ZBTB38: variants seen among roughly 807,000 people sequenced by gnomAD.
ZBTB38 encodes the protein zinc finger and BTB domain-containing protein 38.
Under a neutral mutation model 76.8 loss-of-function variants are expected in ZBTB38, and 20 were observed. The ratio of observed to expected loss-of-function variants is 0.26; its 90% CI spans 0.18 to 0.38. The LOEUF (loss-of-function observed/expected upper bound fraction) is 0.38. Among genes scored for constraint, ZBTB38 ranks in the 10% least tolerant of loss-of-function variants. The pLI, the probability that ZBTB38 is intolerant of heterozygous loss-of-function variation, is 1.00. For missense variants in ZBTB38, 1,082 were observed against 1,482.3 expected, an observed-to-expected ratio of 0.73 and a Z score of 4.43; for synonymous variants, 504 against 544.2, an observed-to-expected ratio of 0.93 and a Z score of 1.03.
At chr3:141,335,453 G>A (rs1161330828) in intron 1 of ZBTB38, among the ~76,000 whole-genome samples, 1 of 152,210 alleles carries the variant, frequency 6.6e-6, no homozygotes, top group Admixed American at 6.5e-5. Context: ...CTGAAAGCCT[G>A]GGCTTAGATG....
At chr3:141,359,220 C>T (rs1302707832) in intron 1 of ZBTB38, among the ~76,000 whole-genome samples, 2 of 152,196 alleles carry the variant, frequency 1.3e-5, no homozygotes, top group Non-Finnish European at 2.9e-5. Flanking sequence ...CTGACCTTCC[C>T]CCTCATTGTT....
chr3:141,445,388 G>T lies in ZBTB38; in HGVS notation c.3000G>T (p.Arg1000Ser), dbSNP rs1333065800. Residue 1000 changes from arginine (R) to serine (S), a missense_variant, in exon 6 of 6, where the codon AGG becomes AGT. By Grantham distance (110) the Arg-to-Ser change is moderately radical. This residue lies in a region of ZBTB38 where 471 missense variants were observed against 581.0 expected (regional missense o/e 0.81). Coordinates refer to ENST00000321464, the MANE Select transcript of ZBTB38 (RefSeq NM_001376113.1). This position sits in a 1 kb window ranked among gnomAD's most constrained non-coding sequence, Gnocchi z 6.5. ...CAGTGGGGGCTGGAAACCAAGGAAG[G>T]CCCCACCGACATCTTACTTCTCGGC... Reference protein sequence around the residue: ...DKAVGAGNQGRPHRHLTSRPY... With the variant: ...DKAVGAGNQGSPHRHLTSRPY... 1 of 1,614,064 alleles carries T rather than the reference G, an allele frequency of 6.2e-7. No individual in the cohort carries two copies. The highest frequency in any genetic ancestry group is 8.5e-7 in the Non-Finnish European group (1 of 1,179,992).
chr3:141,422,043 A>G (rs1386494976), intron 5 of ZBTB38, among the ~76,000 whole-genome samples: 2 of 152,210 alleles, frequency 1.3e-5, no homozygotes. Context: ...CTGCCCAAGG[A>G]ATCCTGTTTT....
rs1415933496 is a variant in ZBTB38 at position 141,445,912 on chromosome 3, T to C, written c.3524T>C (p.Ile1175Thr). 3 of 1,607,366 alleles carry C rather than the reference T, an allele frequency of 1.9e-6. No individual in the cohort carries two copies. Among genetic ancestry groups the C allele is most frequent in the Admixed American group, 1.7e-5 (1 of 60,030 alleles). ...AATCCCTTGGAGAATCAACATTTCA[T>C]TGGTTCAGAAGACAATGACCAAAAG... ...NSNPLENQHF[I>T]GSEDNDQKDN... The change falls in exon 6 of 6, where the codon ATT (isoleucine) becomes ACT (threonine). Residue 1175 changes from isoleucine (I) to threonine (T), a missense_variant. Coordinates refer to ENST00000321464, the MANE Select transcript of ZBTB38 (RefSeq NM_001376113.1). This position sits in a 1 kb window ranked among gnomAD's most constrained non-coding sequence, Gnocchi z 6.5.
At chr3:141,389,756 T>A (rs1018886935) in intron 4 of ZBTB38, 1 of 152,214 alleles carries the variant, frequency 6.6e-6, no homozygotes, top group African/African-American at 2.4e-5. Context: ...TACAAAGTAA[T>A]CATTTTGCAC....
At chr3:141,360,350 C>G in intron 1 of ZBTB38, among the ~76,000 whole-genome samples, 1 of 152,098 alleles carries the variant, frequency 6.6e-6, no homozygotes, top group Non-Finnish European at 1.5e-5. Flanking sequence ...CGGCGTGTGC[C>G]TGGAGTGAGG....
At position 141,413,293 on chromosome 3, in the gene ZBTB38, C is replaced by T. The variant is rs561706005; in HGVS notation, c.-1+9262C>T. ...CAGCCACCTTCCTGCAGGAGGTCCT[C>T]ACACCCCAGACGGTCAGAATGCTCC... is the stretch of plus-strand genomic sequence containing the variant. On this transcript the variant is annotated intron_variant, in intron 5 of 5. Coordinates refer to ENST00000321464, the MANE Select transcript of ZBTB38 (RefSeq NM_001376113.1). This position sits in a 1 kb window ranked among gnomAD's most constrained non-coding sequence, Gnocchi z 4.1. Among the ~76,000 whole-genome samples, 2 of 152,204 alleles carry T rather than the reference C, an allele frequency of 1.3e-5. No individual in the cohort carries two copies. The highest frequency in any genetic ancestry group is 4.8e-5 in the African/African-American group (2 of 41,452).
At chr3:141,377,083 C>T (rs758765661) in intron 2 of ZBTB38, among the ~76,000 whole-genome samples, 2 of 152,266 alleles carry the variant, frequency 1.3e-5, no homozygotes, top group Non-Finnish European at 2.9e-5. Context: ...GTCATTTCAC[C>T]TGCCCTACCC....
intron 4 of ZBTB38, among the ~76,000 whole-genome samples, chr3:141,393,458 T>C (rs1468514122): frequency 6.6e-6 from 1 of 152,170 alleles, no homozygotes; most frequent in Non-Finnish European, 1.5e-5. Flanking sequence ...TTTTTCCTTT[T>C]CTCTTGTTTC....
chr3:141,440,949 G>A (rs766688560), intron 5 of ZBTB38, among the ~76,000 whole-genome samples: 1 of 150,210 alleles, frequency 6.7e-6, no homozygotes, highest in East Asian at 2.0e-4. Flanking sequence ...CAGGAGAGTC[G>A]CTTGAACCCT....
At chr3:141,357,793 T>C (rs1315948041) in intron 1 of ZBTB38, among the ~76,000 whole-genome samples, 8 of 152,228 alleles carry the variant, frequency 5.3e-5, no homozygotes, top group Admixed American at 5.2e-4. Context: ...GCTATTTTTG[T>C]GGTCTTTAAA....
At position 141,413,135 on chromosome 3, in the gene ZBTB38, A is replaced by G. The variant is rs957394725; in HGVS notation, c.-1+9104A>G. Among the ~76,000 whole-genome samples, 4 of 152,232 alleles carry G rather than the reference A, an allele frequency of 2.6e-5. No homozygotes were observed. Among genetic ancestry groups the G allele is most frequent in the Non-Finnish European group, 5.9e-5 (4 of 68,034 alleles). On this transcript the variant is annotated intron_variant, in intron 5 of 5. Transcript: ENST00000321464. This position sits in a 1 kb window ranked among gnomAD's most constrained non-coding sequence, Gnocchi z 4.1. ...AAATGTTTGTGCAGGGAAAGTGTGT[A>G]CGTGGACTTAAATAAATATCTGAGG...
intron 4 of ZBTB38, among the ~76,000 whole-genome samples, chr3:141,392,061 T>C (rs1949036399): frequency 6.6e-6 from 1 of 152,258 alleles, no homozygotes; most frequent in African/African-American, 2.4e-5. Flanking sequence ...TTAGAAACTA[T>C]AAGGCTCTTT....
chr3:141,351,098 T>A (rs1943500438), intron 1 of ZBTB38, among the ~76,000 whole-genome samples: 1 of 152,202 alleles, frequency 6.6e-6, no homozygotes, highest in Non-Finnish European at 1.5e-5. Flanking sequence ...CAGTGAAAGA[T>A]TATCACACAG....
At chr3:141,392,480 A>G (rs1949187551) in intron 4 of ZBTB38, among the ~76,000 whole-genome samples, 1 of 152,228 alleles carries the variant, frequency 6.6e-6, no homozygotes, top group South Asian at 2.1e-4. Context: ...CTGTTCCAGG[A>G]AGAAATAAAT....
At chr3:141,419,120 A>T (rs1429782335) in intron 5 of ZBTB38, among the ~76,000 whole-genome samples, 1 of 152,228 alleles carries the variant, frequency 6.6e-6, no homozygotes, top group Non-Finnish European at 1.5e-5. Context: ...CAGGAAACTT[A>T]ATCATGGCAG....
intron 2 of ZBTB38, among the ~76,000 whole-genome samples, chr3:141,377,327 G>A (rs1374901499): frequency 6.6e-6 from 1 of 152,228 alleles, no homozygotes; most frequent in African/African-American, 2.4e-5. Flanking sequence ...AGCAATGAGA[G>A]ACATCTGAGG....
chr3:141,426,105 C>T, intron 5 of ZBTB38: 6 of 1,283,326 alleles, frequency 4.7e-6, no homozygotes, highest in South Asian at 1.2e-5. Flanking sequence ...ATGGGCATGT[C>T]ACTTTAAAGC....
chr3:141,391,766 G>A (rs1948938443), intron 4 of ZBTB38, among the ~76,000 whole-genome samples: 1 of 152,196 alleles, frequency 6.6e-6, no homozygotes. Flanking sequence ...AGGCAAAATG[G>A]TGGAAGGGTT....
Sources: gnomAD v4.1 joint callset for allele counts (sites outside exome capture counted in the v4.1 genomes callset) on GRCh38, gnomAD v4.1.1 for gene constraint, gnomAD v4.1.1 regional missense constraint, Gnocchi (gnomAD v3.1) non-coding constraint, MANE v1.5 for transcripts, NCBI Gene and HGNC (gene_info 2026-07-23, HGNC 2026-07-21) for gene names.